CLOCK: variants seen among roughly 807,000 people sequenced by gnomAD.
The protein encoded by CLOCK is clock circadian regulator, also known as circadian locomoter output cycles protein kaput.
A neutral mutation model predicts 118.4 loss-of-function variants in CLOCK; 43 were observed. The observed-to-expected ratio is 0.36, with a 90% CI of 0.28 to 0.47. CLOCK has a LOEUF of 0.47. Among genes scored for constraint, CLOCK ranks in the 20% least tolerant of loss-of-function variants. The probability of loss-of-function intolerance (pLI) is 1.00; values close to 1 mark genes in which losing one functional copy is unlikely to be tolerated. For missense variants in CLOCK, 846 were observed against 999.9 expected (o/e 0.85, Z 2.08); for synonymous variants, 326 against 339.2 (o/e 0.96, Z 0.43).
intron 1 of CLOCK, among the ~76,000 whole-genome samples, chr4:55,516,394 G>A (rs13148944): frequency 6.6e-5 from 10 of 152,190 alleles, no homozygotes; most frequent in Non-Finnish European, 1.3e-4. Context: ...CTGCACAGAT[G>A]TTTAGGACTA....
At chr4:55,443,416 A>G (rs1723528867) in intron 20 of CLOCK, among the ~76,000 whole-genome samples, 1 of 151,066 alleles carries the variant, frequency 6.6e-6, no homozygotes, top group Non-Finnish European at 1.5e-5. Flanking sequence ...CGGAGGTTGC[A>G]GTAATCTAAG....
In CLOCK at chr4:55,515,487, G is replaced by A. The variant is rs183263065; in HGVS notation, c.-289-5422C>T. ...CCTCCCGGGTTCAAGCGATTCTCCT[G>A]CCTCAGCCTCCCAATTAGCTGGGAC... On this transcript the variant is annotated intron_variant, in intron 1 of 22. Coordinates refer to ENST00000513440, the MANE Select transcript of CLOCK (RefSeq NM_004898.4). 4.0e-4 allele frequency among the ~76,000 whole-genome samples: 61 copies of A among 152,264 alleles called. No individual in the cohort carries two copies. In the East Asian group the frequency reaches 0.011, roughly 28 times the overall value.
At chr4:55,509,772 C>T (rs1159487387) in intron 2 of CLOCK, 140 bp downstream of exon 2, 1 of 152,128 alleles carries the variant, frequency 6.6e-6, no homozygotes, top group East Asian at 1.9e-4. Context: ...AATGAAAATT[C>T]TAAAGATAAA....
chr4:55,489,993 G>A (rs1395038298), intron 2 of CLOCK, among the ~76,000 whole-genome samples: 1 of 151,848 alleles, frequency 6.6e-6, no homozygotes, highest in Non-Finnish European at 1.5e-5. Flanking sequence ...AGGGACAACA[G>A]CACTACAAGA....
chr4:55,482,595 A>G (rs964514517), intron 4 of CLOCK, 144 bp downstream of exon 4: 19 of 578,444 alleles, frequency 3.3e-5, no homozygotes, highest in Non-Finnish European at 4.1e-5. Flanking sequence ...TTTTTATACT[A>G]TATTTGTTTA....
Position 55,430,380 on chromosome 4 carries a change from G to A in CLOCK, c.*5035C>T, listed in dbSNP as rs1722418809. On this transcript the variant is annotated 3_prime_UTR_variant, in exon 23 of 23. Coordinates refer to ENST00000513440, the MANE Select transcript of CLOCK (RefSeq NM_004898.4). ...ATTTAAGAAAAACAAGGAATGTAGT[G>A]TTATGACATAGGGGGAAAAAACTAT... 1 of 152,166 alleles carries A rather than the reference G, an allele frequency of 6.6e-6. No homozygotes were observed. Among genetic ancestry groups the A allele is most frequent in the African/African-American group, 2.4e-5 (1 of 41,438 alleles). The allele number at this position is 152,166 out of a possible 1,614,324, so 9.4% of individuals were successfully genotyped here.
chr4:55,497,842 T>C (rs3805155), intron 2 of CLOCK, among the ~76,000 whole-genome samples: 51,348 of 151,926 alleles, frequency 0.34, 9,363 homozygotes, highest in East Asian at 0.58. Flanking sequence ...TAAACACATA[T>C]GATGTAATTT....
chr4:55,492,365 A>AAAAAC (rs1348878332), intron 2 of CLOCK, among the ~76,000 whole-genome samples: 2 of 151,824 alleles, frequency 1.3e-5, no homozygotes, highest in Non-Finnish European at 2.9e-5. Context: ...GATAAAAAAA[A>AAAAAC]AAAACGCCAT....
rs372362741 is a variant in CLOCK, at chr4:55,542,850, CAA to C, written c.-290+3930_-290+3931del. Among the ~76,000 whole-genome samples, 356 of 152,202 alleles carry C rather than the reference CAA, an allele frequency of 2.3e-3. 2 individuals are homozygous for C. Among genetic ancestry groups the C allele is most frequent in the African/African-American group, 7.7e-3 (318 of 41,540 alleles). Reference sequence around the variant, plus strand: ...AAGCAAGTACAGAAGGAAAAAAAATCAAAGTTTAACCCATACACTATCGATCA... The same window carrying C: ...AAGCAAGTACAGAAGGAAAAAAAATCAGTTTAACCCATACACTATCGATCA... On this transcript the variant is annotated intron_variant, in intron 1 of 22. Coordinates refer to ENST00000513440, the MANE Select transcript of CLOCK (RefSeq NM_004898.4).
At chr4:55,467,794 A>T (rs200729531) in intron 8 of CLOCK, among the ~76,000 whole-genome samples, 1 of 29,602 alleles carries the variant, frequency 3.4e-5, no homozygotes, top group East Asian at 1.8e-3. Flanking sequence ...CATTGCTAAT[A>T]TCTCATGTTT....
At chr4:55,523,260 C>T (rs1729958927) in intron 1 of CLOCK, among the ~76,000 whole-genome samples, 1 of 152,142 alleles carries the variant, frequency 6.6e-6, no homozygotes, top group Non-Finnish European at 1.5e-5. Context: ...GATGGCACCA[C>T]TGTACTCCAG....
intron 3 of CLOCK, among the ~76,000 whole-genome samples, chr4:55,487,366 T>C (rs922243704): frequency 6.6e-6 from 1 of 152,198 alleles, no homozygotes; most frequent in Non-Finnish European, 1.5e-5. Flanking sequence ...CTGTTAACTT[T>C]ACTGTAGGGC....
chr4:55,538,749 CAG>C (rs995240368), intron 1 of CLOCK, among the ~76,000 whole-genome samples: 2 of 152,144 alleles, frequency 1.3e-5, no homozygotes, highest in African/African-American at 2.4e-5. Context: ...AAAAGTAACA[CAG>C]AGAGTCTTAA....
chr4:55,431,540 A>T lies in CLOCK; in HGVS notation c.*3875T>A, dbSNP rs760105249. 17 of 152,150 alleles carry T rather than the reference A, an allele frequency of 1.1e-4. No individual in the cohort carries two copies. The highest frequency in any genetic ancestry group is 2.2e-4 in the Non-Finnish European group (15 of 68,016). The allele number at this position is 152,150 out of a possible 1,614,324, so 9.4% of individuals were successfully genotyped here. A position where few individuals can be genotyped will look rare whatever the true frequency, so the allele number is the denominator to read the frequency against. ...TCTCTACCATTCAAAAATTCCAATC[A>T]GCTTGTCCTGGCTAGAAAGACTCAC... On this transcript the variant is annotated 3_prime_UTR_variant, in exon 23 of 23. Coordinates refer to ENST00000513440, the MANE Select transcript of CLOCK (RefSeq NM_004898.4).
Position 55,433,879 on chromosome 4 carries a change from C to G in CLOCK, c.*1536G>C, listed in dbSNP as rs182435346. The stretch of plus-strand genomic sequence containing the variant: ...GTGAAGGCATAGCCAAATCCCTACC[C>G]CTTCTTTTTTCTTTGTAGGAATATC... On this transcript the variant is annotated 3_prime_UTR_variant, in exon 23 of 23. Coordinates refer to ENST00000513440, the MANE Select transcript of CLOCK (RefSeq NM_004898.4). The G allele has an allele frequency of 6.6e-6, 1 of 152,106 alleles. No homozygotes were observed. The highest frequency in any genetic ancestry group is 1.5e-5 in the Non-Finnish European group (1 of 68,018). The allele number at this position is 152,106 out of a possible 1,614,324, so 9.4% of individuals were successfully genotyped here. A position where few individuals can be genotyped will look rare whatever the true frequency, so the allele number is the denominator to read the frequency against.
chr4:55,539,035 C>T (rs78929565), intron 1 of CLOCK, among the ~76,000 whole-genome samples: 6,633 of 151,972 alleles, frequency 0.044, 508 homozygotes, highest in East Asian at 0.34. Flanking sequence ...AGTTTGGAGA[C>T]CTGCGTGGCC....
chr4:55,478,789 T>C, intron 6 of CLOCK, 26 bp downstream of exon 6: 1 of 1,606,682 alleles, frequency 6.2e-7, no homozygotes, highest in Non-Finnish European at 8.5e-7. Context: ...GAGAGTCTGT[T>C]CCATTTTACA....
chr4:55,545,052 C>CTTTTTTTTTTTTTTTTTTTTTTT (rs34291520), intron 1 of CLOCK, among the ~76,000 whole-genome samples: 1 of 144,634 alleles, frequency 6.9e-6, no homozygotes, highest in Non-Finnish European at 1.5e-5. Context: ...TTCAGGCTAA[C>CTTTTTTTTTTTTTTTTTTTTTTT]TTTTTTTTTT....
At chr4:55,501,228 T>C (rs11729092) in intron 2 of CLOCK, among the ~76,000 whole-genome samples, 5,130 of 152,330 alleles carry the variant, frequency 0.034, 104 homozygotes, top group Non-Finnish European at 0.054. Flanking sequence ...TCCTGGAATA[T>C]AATCTCTACA....
Sources: allele counts gnomAD v4.1 joint callset (sites outside exome capture counted in the v4.1 genomes callset), GRCh38; gene constraint gnomAD v4.1.1; transcripts MANE v1.5; gene names NCBI Gene and HGNC (gene_info 2026-07-23, HGNC 2026-07-21).